Variants in PCSK5 observed in about 807,000 individuals in gnomAD.
The protein encoded by PCSK5 is proprotein convertase subtilisin/kexin type 5.
A neutral mutation model predicts 233.2 loss-of-function variants in PCSK5; 129 were observed. The ratio of observed to expected loss-of-function variants is 0.55; its 90% CI spans 0.48 to 0.64. The LOEUF (loss-of-function observed/expected upper bound fraction) is 0.64. Among genes scored for constraint, PCSK5 ranks in the 30% least tolerant of loss-of-function variants. PCSK5 has a pLI of 0.00. For missense variants in PCSK5, 2,076 were observed against 2,430.1 expected, an observed-to-expected ratio of 0.85 and a Z score of 3.06; for synonymous variants, 825 against 879.2, an observed-to-expected ratio of 0.94 and a Z score of 1.09.
intron 5 of PCSK5, among the ~76,000 whole-genome samples, chr9:76,040,401 CT>C (rs1829067972): frequency 9.0e-6 from 1 of 111,054 alleles, no homozygotes; most frequent in Non-Finnish European, 1.9e-5. Flanking sequence ...CTCTCTCTCT[CT>C]CTCTCTCTCT....
intron 2 of PCSK5, among the ~76,000 whole-genome samples, chr9:75,972,596 T>C (rs1035333768): frequency 6.6e-6 from 1 of 152,228 alleles, no homozygotes; most frequent in African/African-American, 2.4e-5. Flanking sequence ...ATCCTTCACT[T>C]CCCTTGTTGG....
intron 37 of PCSK5, 25 bp downstream of exon 37, chr9:76,354,244 G>A: frequency 6.5e-7 from 1 of 1,534,360 alleles, no homozygotes; most frequent in Non-Finnish European, 8.8e-7. Context: ...AGAGCAGCCT[G>A]CAGAGGAAGG....
At chr9:76,037,154 T>A (rs1319792825) in intron 5 of PCSK5, among the ~76,000 whole-genome samples, 1 of 152,086 alleles carries the variant, frequency 6.6e-6, no homozygotes, top group Admixed American at 6.6e-5. Flanking sequence ...GTTCAGAGCT[T>A]GGAATAGCAA....
At chr9:75,957,479 G>A (rs1389726293) in intron 2 of PCSK5, among the ~76,000 whole-genome samples, 1 of 152,072 alleles carries the variant, frequency 6.6e-6, no homozygotes, top group Non-Finnish European at 1.5e-5. Flanking sequence ...TGTGGGTATA[G>A]CAAAGAATCA....
At chr9:75,968,454 CTCTT>C (rs1825687772) in intron 2 of PCSK5, among the ~76,000 whole-genome samples, 1 of 152,240 alleles carries the variant, frequency 6.6e-6, no homozygotes, top group African/African-American at 2.4e-5. Flanking sequence ...AAAATATAGC[CTCTT>C]TCTTCCAGAG....
rs558709683 is a variant in PCSK5, at chr9:75,941,348, G to A, written c.297+8865G>A. ...CCTTGTGTTTCTGCACAATGAGGGT[G>A]GCTGTGTTTTCTTCGGGTACGTACC... On this transcript the variant is annotated intron_variant, in intron 2 of 37. Coordinates refer to ENST00000674117, the MANE Select transcript of PCSK5 (RefSeq NM_001372043.1). Among the ~76,000 whole-genome samples the A allele has an allele frequency of 4.6e-5, 7 of 152,158 alleles. No homozygotes were observed. In the South Asian group the frequency reaches 1.5e-3, roughly 32 times the overall value.
At chr9:76,170,336 C>T (rs1823279252) in intron 13 of PCSK5, among the ~76,000 whole-genome samples, 1 of 152,150 alleles carries the variant, frequency 6.6e-6, no homozygotes, top group Non-Finnish European at 1.5e-5. Context: ...CTGCATGAGC[C>T]CAAGAGCCAA....
At chr9:76,273,576 C>CATATATATATATATATAT (rs34398269) in intron 24 of PCSK5, among the ~76,000 whole-genome samples, 3 of 118,144 alleles carry the variant, frequency 2.5e-5, no homozygotes, top group African/African-American at 9.2e-5. Flanking sequence ...TATATATATA[C>CATATATATATATATATAT]ATATATATAT....
chr9:76,135,473 T>C (rs1822932212), intron 10 of PCSK5, among the ~76,000 whole-genome samples: 2 of 152,056 alleles, frequency 1.3e-5, no homozygotes, highest in Non-Finnish European at 2.9e-5. Flanking sequence ...TCCATGCATG[T>C]AAACTATATA....
intron 12 of PCSK5, among the ~76,000 whole-genome samples, chr9:76,160,033 G>A (rs928805064): frequency 6.6e-6 from 1 of 151,968 alleles, no homozygotes; most frequent in African/African-American, 2.4e-5. Flanking sequence ...ACGTTGACCA[G>A]GATGGTCTCG....
chr9:75,968,498 T>C (rs11144702), intron 2 of PCSK5, among the ~76,000 whole-genome samples: 106,397 of 152,070 alleles, frequency 0.7, 37,646 homozygotes, highest in East Asian at 0.81. Flanking sequence ...GTCTGACAAA[T>C]GGTTAAACTG....
At chr9:76,235,539 C>T (rs1329158840) in intron 22 of PCSK5, among the ~76,000 whole-genome samples, 1 of 152,100 alleles carries the variant, frequency 6.6e-6, no homozygotes, top group Non-Finnish European at 1.5e-5. Flanking sequence ...TATTGCATCC[C>T]TTCTATTTAC....
At chr9:76,266,789 C>T (rs1827346328) in intron 24 of PCSK5, among the ~76,000 whole-genome samples, 1 of 152,166 alleles carries the variant, frequency 6.6e-6, no homozygotes, top group Non-Finnish European at 1.5e-5. Flanking sequence ...CCAGTTGCTT[C>T]TCTGGAAGCA....
In PCSK5 at chr9:76,259,895, G is replaced by A. The variant is rs1406012689; in HGVS notation, c.3142+19211G>A. Among the ~76,000 whole-genome samples the A allele has an allele frequency of 7.2e-5, 11 of 152,280 alleles. No individual in the cohort carries two copies. The East Asian group carries it at 2.1e-3, about 29-fold the overall frequency. On this transcript the variant is annotated intron_variant, in intron 24 of 37. Coordinates refer to ENST00000674117, the MANE Select transcript of PCSK5 (RefSeq NM_001372043.1). ...CCCTCATCTGGAAGCAGAGGGGACT[G>A]GACTGGACCAGTGGCCCAAATCAGC... is the stretch of plus-strand genomic sequence containing the variant.
chr9:76,356,894 T>C (rs1204351900), intron 37 of PCSK5, among the ~76,000 whole-genome samples: 2 of 152,204 alleles, frequency 1.3e-5, no homozygotes, highest in Non-Finnish European at 2.9e-5. Context: ...AATTATCCCT[T>C]GAACACGAGA....
At chr9:76,133,619 A>G (rs890177904) in intron 9 of PCSK5, among the ~76,000 whole-genome samples, 1 of 152,018 alleles carries the variant, frequency 6.6e-6, no homozygotes, top group Non-Finnish European at 1.5e-5. Flanking sequence ...ATTTTTCCAT[A>G]TCCCACATAT....
At chr9:76,230,524 A>C (rs1826045831) in intron 21 of PCSK5, among the ~76,000 whole-genome samples, 1 of 152,128 alleles carries the variant, frequency 6.6e-6, no homozygotes. Context: ...CTCATCTTGG[A>C]CAGGGGTCCC....
At chr9:76,337,596 C>A (rs1445591602) in intron 34 of PCSK5, among the ~76,000 whole-genome samples, 1 of 152,138 alleles carries the variant, frequency 6.6e-6, no homozygotes, top group Non-Finnish European at 1.5e-5. Context: ...GCATCAGCCT[C>A]CCAAGTAGCT....
chr9:75,940,109 C>T (rs114437693), intron 2 of PCSK5, among the ~76,000 whole-genome samples: 1,574 of 152,254 alleles, frequency 0.01, 24 homozygotes, highest in African/African-American at 0.036. Context: ...GGAATTTTTT[C>T]AGATCTGTTT....
Sources: gnomAD v4.1 joint callset for allele counts (sites outside exome capture counted in the v4.1 genomes callset) on GRCh38, gnomAD v4.1.1 for gene constraint, MANE v1.5 for transcripts, NCBI Gene and HGNC (gene_info 2026-07-23, HGNC 2026-07-21) for gene names.